Variants in NSUN5 observed in about 807,000 individuals in gnomAD.
NSUN5 encodes the protein NOP2/Sun RNA methyltransferase 5, also known as 28S rRNA (cytosine-C(5))-methyltransferase.
In NSUN5, 39 loss-of-function variants were observed where a neutral mutation model predicts 51.1. The observed-to-expected ratio is 0.76, with a 90% confidence interval of 0.59 to 1.00. NSUN5 has a LOEUF of 1.00. Ranked by LOEUF, NSUN5 falls within the 50% of genes least tolerant of loss-of-function variation. The probability of loss-of-function intolerance (pLI) is 0.00; values close to 1 mark genes in which losing one functional copy is unlikely to be tolerated. For missense variants in NSUN5, 526 were observed against 614.0 expected, an observed-to-expected ratio of 0.86 and a Z score of 1.51; for synonymous variants, 266 against 271.5, an observed-to-expected ratio of 0.98 and a Z score of 0.20.
Position 73,304,315 on chromosome 7 carries a change from C to G in NSUN5, c.849G>C (p.Glu283Asp). 1 of 1,614,192 alleles carries G rather than the reference C, an allele frequency of 6.2e-7. No homozygotes were observed. Among genetic ancestry groups the G allele is most frequent in the Non-Finnish European group, 8.5e-7 (1 of 1,180,038 alleles). The change falls in exon 7 of 10, where the codon GAG (glutamate) becomes GAC (aspartate). Residue 283 changes from glutamate to aspartate, a missense_variant. Physicochemically the swap from Glu to Asp is conservative, Grantham distance 45 (BLOSUM62 2). Coordinates refer to ENST00000438747, the MANE Select transcript of NSUN5 (RefSeq NM_148956.4). ...AGGGGGAGACCGCCAGGAAGTCCTC[C>G]TCAGCCAGTTCACAGCAAGAGACGC... ...RAGVSCCELA[E>D]EDFLAVSPSD...
At position 73,303,756 on chromosome 7, in the gene NSUN5, C is replaced by T; in HGVS notation, c.1146-16G>A. On this transcript the variant is annotated splice_polypyrimidine_tract_variant and intron_variant, in intron 8 of 9. Transcript: ENST00000438747. ...GGGAGCTAGCCTGCAAGAGAAACGGCCCCAATGCTGGGTAAGAGAGCAGCT... is the reference window on the plus strand; with the variant it reads ...GGGAGCTAGCCTGCAAGAGAAACGGTCCCAATGCTGGGTAAGAGAGCAGCT... 6.2e-7 allele frequency: 1 copy of T among 1,613,922 alleles called. No homozygotes were observed. The highest frequency in any genetic ancestry group is 8.5e-7 in the Non-Finnish European group (1 of 1,179,882).
Position 73,308,743 on chromosome 7 carries a change from G to A in NSUN5, c.48C>T (p.Ser16=). 1.2e-6 allele frequency: 2 copies of A among 1,612,714 alleles called. No homozygotes were observed. The highest frequency in any genetic ancestry group is 1.7e-6 in the Non-Finnish European group (2 of 1,179,820). The change falls in exon 1 of 10, where the codon AGC becomes AGT. Residue 16 remains serine, a synonymous_variant. Transcript: ENST00000438747. ...CCAACCCCTTGATAGAGCCCTGGCGGCTCTCCACGCCGGCCAACACGCCTG... is the reference window on the plus strand; with the variant it reads ...CCAACCCCTTGATAGAGCCCTGGCGACTCTCCACGCCGGCCAACACGCCTG... ...AAAGVLAGVE[S]RQGSIKGLVY...
At chr7:73,308,646 C>T in intron 1 of NSUN5, 52 bp downstream of exon 1, 1 of 1,591,808 alleles carries the variant, frequency 6.3e-7, no homozygotes, top group Non-Finnish European at 8.6e-7. Flanking sequence ...CGTCCGACCC[C>T]ACCCCGGGTT....
chr7:73,308,589 C>A, intron 1 of NSUN5, 36 bp from the exon 2 acceptor site: 1 of 1,588,650 alleles, frequency 6.3e-7, no homozygotes. Context: ...GGTGGGGGCT[C>A]CCCCGGCCCT....
In NSUN5 at chr7:73,308,509, G is replaced by A; in HGVS notation, c.138C>T (p.Tyr46=). 2 of 1,604,958 alleles carry A rather than the reference G, an allele frequency of 1.2e-6. No homozygotes were observed. The highest frequency in any genetic ancestry group is 1.3e-5 in the African/African-American group (1 of 74,882). ...CGATCACAGCATCCAGCACGGCGGA[G>A]TAGCGCTGCGTTTCGCACACCAGCG... The part of the protein sequence containing the change: ...LYALVCETQR[Y]SAVLDAVIAS... Residue 46 remains tyrosine, a synonymous_variant, in exon 2 of 10, where the codon TAC becomes TAT. Coordinates refer to ENST00000438747, the MANE Select transcript of NSUN5 (RefSeq NM_148956.4).
intron 7 of NSUN5, 60 bp from the exon 8 acceptor site, chr7:73,304,096 C>T (rs1396081932): frequency 2.8e-5 from 44 of 1,591,134 alleles, no homozygotes; most frequent in Non-Finnish European, 3.5e-5. Context: ...CTGAAATCCT[C>T]GCTTCACAGA....
In NSUN5 at chr7:73,305,517, T is replaced by A. The variant is rs545949981; in HGVS notation, c.501-420A>T. Among the ~76,000 whole-genome samples, 9 of 145,744 alleles carry A rather than the reference T, an allele frequency of 6.2e-5. No individual in the cohort carries two copies. The East Asian group carries it at 1.8e-3, about 30-fold the overall frequency. On this transcript the variant is annotated intron_variant, in intron 4 of 9. Coordinates refer to ENST00000438747, the MANE Select transcript of NSUN5 (RefSeq NM_148956.4). ...TCTCGCTCTGTCGCCCAGGCTGGAGTGCAGTGGCGCGATCTCGGCTCACTG... is the reference window on the plus strand; with the variant it reads ...TCTCGCTCTGTCGCCCAGGCTGGAGAGCAGTGGCGCGATCTCGGCTCACTG...
chr7:73,308,249 C>T (rs1586465767), intron 2 of NSUN5, 182 bp downstream of exon 2: 1 of 789,076 alleles, frequency 1.3e-6, no homozygotes, highest in Middle Eastern at 4.1e-4. Context: ...TTTAATCCTT[C>T]AAAACACTCA....
chr7:73,304,195 G>T, intron 7 of NSUN5, 35 bp downstream of exon 7: 4 of 1,580,062 alleles, frequency 2.5e-6, no homozygotes, highest in Non-Finnish European at 2.6e-6. Flanking sequence ...CTGTGGATCT[G>T]CGAGTCCCTC....
intron 4 of NSUN5, among the ~76,000 whole-genome samples, chr7:73,305,730 C>T (rs1321859445): frequency 6.6e-6 from 1 of 152,032 alleles, no homozygotes; most frequent in Non-Finnish European, 1.5e-5. Flanking sequence ...GTAAAGGAGT[C>T]CCGCCGACTC....
chr7:73,304,709 C>A, intron 6 of NSUN5, 38 bp downstream of exon 6: 2 of 1,512,586 alleles, frequency 1.3e-6, no homozygotes, highest in Non-Finnish European at 1.8e-6. Flanking sequence ...GGCACAGAAT[C>A]AAACCCCATG....
At chr7:73,306,090 A>G (rs1804027065) in intron 4 of NSUN5, among the ~76,000 whole-genome samples, 1 of 152,156 alleles carries the variant, frequency 6.6e-6, no homozygotes, top group Non-Finnish European at 1.5e-5. Context: ...GAGCCAAGAA[A>G]GGGCTTAGCA....
At chr7:73,304,607 G>A in intron 6 of NSUN5, 140 bp downstream of exon 6, 1 of 893,016 alleles carries the variant, frequency 1.1e-6, no homozygotes, top group Non-Finnish European at 1.8e-6. Context: ...AGTGGGGAAA[G>A]CTTAGCTTGG....
intron 4 of NSUN5, among the ~76,000 whole-genome samples, chr7:73,306,070 C>T (rs1484145599): frequency 2.6e-4 from 40 of 152,114 alleles, no homozygotes; most frequent in Admixed American, 2.6e-3. Flanking sequence ...GCAGGAGGGA[C>T]AGCACAGTGG....
chr7:73,304,861 G>A lies in NSUN5; in HGVS notation c.641C>T (p.Ala214Val). ...RAGHLILQDR[A>V]SCLPAMLLDP... ...CAGCAGCATGGCTGGGAGACAGCTG[G>A]CCTGGCAGGCAGAGCACAGGAGCCA... is the stretch of plus-strand genomic sequence containing the variant. The change falls in exon 6 of 10, where the codon GCC becomes GTC. Residue 214 changes from alanine to valine, a missense_variant and splice_region_variant. Coordinates refer to ENST00000438747, the MANE Select transcript of NSUN5 (RefSeq NM_148956.4). 6.2e-7 allele frequency: 1 copy of A among 1,613,928 alleles called. No individual in the cohort carries two copies. Among genetic ancestry groups the A allele is most frequent in the Non-Finnish European group, 8.5e-7 (1 of 1,179,824 alleles).
intron 4 of NSUN5, 105 bp downstream of exon 4, chr7:73,307,289 T>C (rs2115667718): frequency 1.2e-6 from 1 of 801,018 alleles, no homozygotes; most frequent in South Asian, 1.6e-5. Context: ...GCTGGAAAGG[T>C]AGGAAGAAAG....
chr7:73,303,998 T>G lies in NSUN5; in HGVS notation c.973A>C (p.Thr325Pro). Residue 325 changes from threonine (T) to proline (P), a missense_variant, in exon 8 of 10, where the codon ACA becomes CCA. Thr to Pro is a conservative substitution (Grantham distance 38). Coordinates refer to ENST00000438747, the MANE Select transcript of NSUN5 (RefSeq NM_148956.4). The part of the protein sequence containing the change: ...SRQLEEPGAG[T>P]PSPVRLHALA... ...GCATGCAGACGCACCGGGCTAGGTGTGCCTGCCCCGGGCTCCTCCAGCTGT... is the reference window on the plus strand; with the variant it reads ...GCATGCAGACGCACCGGGCTAGGTGGGCCTGCCCCGGGCTCCTCCAGCTGT... 6.2e-7 allele frequency: 1 copy of G among 1,614,124 alleles called. No homozygotes were observed. Among genetic ancestry groups the G allele is most frequent in the Admixed American group, 1.7e-5 (1 of 60,022 alleles).
rs1299314145 is a variant in NSUN5 at position 73,306,308 on chromosome 7, C to T, written c.500+1086G>A. On this transcript the variant is annotated intron_variant, in intron 4 of 9. Transcript: ENST00000438747. ...CTGAGGCAGGAGAATTGCTTGAACC[C>T]AGGAGGCAGAGGTTGCAGTGAGCCG... Among the ~76,000 whole-genome samples, 4 of 147,076 alleles carry T rather than the reference C, an allele frequency of 2.7e-5. No homozygotes were observed. The Admixed American group carries it at 2.8e-4, about 10-fold the overall frequency.
At position 73,303,893 on chromosome 7, in the gene NSUN5, A is replaced by G; in HGVS notation, c.1078T>C (p.Ser360Pro). The change falls in exon 8 of 10, where the codon TCC becomes CCC. Residue 360 changes from serine (S) to proline (P), a missense_variant. By Grantham distance (74) the Ser-to-Pro change is moderately conservative (BLOSUM62 -1). Transcript: ENST00000438747. Reference sequence around the variant, plus strand: ...TCTTCATTCTCCTCCTGGCAGAGGGAGCACGTGGAGTAGACGAGCCGCTGC... The same window carrying G: ...TCTTCATTCTCCTCCTGGCAGAGGGGGCACGTGGAGTAGACGAGCCGCTGC... The part of the protein sequence containing the change: ...SLQRLVYSTC[S>P]LCQEENEDVV... 1 of 1,613,798 alleles carries G rather than the reference A, an allele frequency of 6.2e-7. No individual in the cohort carries two copies. Among genetic ancestry groups the G allele is most frequent in the East Asian group, 2.2e-5 (1 of 44,860 alleles).
Sources: allele counts gnomAD v4.1 joint callset (sites outside exome capture counted in the v4.1 genomes callset), GRCh38; gene constraint gnomAD v4.1.1; transcripts MANE v1.5; gene names NCBI Gene and HGNC (gene_info 2026-07-23, HGNC 2026-07-21).